The following PCCA variants were observed in gnomAD, a reference collection of about 807,000 sequenced individuals.
PCCA encodes propionyl-CoA carboxylase subunit alpha, also known as propionyl-CoA carboxylase alpha chain, mitochondrial.
A neutral mutation model predicts 101.3 loss-of-function variants in PCCA; 74 were observed. That is an observed-to-expected ratio of 0.73 (90% CI 0.61 to 0.89). The LOEUF is 0.89. PCCA is among the 40% of genes least tolerant of loss of function. PCCA has a pLI of 0.00. For synonymous variants in PCCA, 294 were observed against 313.6 expected, an observed-to-expected ratio of 0.94 and a Z score of 0.66; for missense variants, 891 against 907.0, an observed-to-expected ratio of 0.98 and a Z score of 0.23.
chr13:100,482,342 A>C (rs895651540), intron 21 of PCCA, among the ~76,000 whole-genome samples: 2 of 152,210 alleles, frequency 1.3e-5, no homozygotes, highest in Non-Finnish European at 2.9e-5. Flanking sequence ...GACTTTCAGG[A>C]TGAAGAGAAG....
intron 6 of PCCA, among the ~76,000 whole-genome samples, chr13:100,162,386 G>C (rs2054576485): frequency 6.8e-6 from 1 of 148,144 alleles, no homozygotes; most frequent in African/African-American, 2.5e-5. Flanking sequence ...TAAATGCCTT[G>C]TCCAGTGTCA....
chr13:100,468,640 C>T (rs4772290), intron 21 of PCCA, among the ~76,000 whole-genome samples: 33,299 of 152,108 alleles, frequency 0.22, 4,709 homozygotes, highest in East Asian at 0.53. Context: ...CCTCTCTCAT[C>T]CTGTGTAGAA....
At position 100,480,669 on chromosome 13, in the gene PCCA, C is replaced by T. The variant is rs191719377; in HGVS notation, c.1899+31364C>T. On this transcript the variant is annotated intron_variant, in intron 21 of 23. Coordinates refer to ENST00000376285, the MANE Select transcript of PCCA (RefSeq NM_000282.4). ...TTAAACCAAAAAACGCCCTCAGCTC[C>T]AGCAGATCCTGAGCTACAAAGCACC... 1.4e-3 allele frequency among the ~76,000 whole-genome samples: 214 copies of T among 152,304 alleles called. 1 individual carries two copies. The highest frequency in any genetic ancestry group is 5.0e-3 in the African/African-American group (209 of 41,576).
intron 12 of PCCA, among the ~76,000 whole-genome samples, chr13:100,283,179 C>T (rs886337988): frequency 7.9e-5 from 12 of 152,164 alleles, no homozygotes; most frequent in Admixed American, 7.2e-4. Flanking sequence ...CAAACCTTGG[C>T]CTTTAATGTA....
At chr13:100,264,655 G>A (rs1192696661) in intron 10 of PCCA, among the ~76,000 whole-genome samples, 1 of 151,966 alleles carries the variant, frequency 6.6e-6, no homozygotes, top group African/African-American at 2.4e-5. Flanking sequence ...TGGGTTTTTA[G>A]TTTCTTTATA....
intron 1 of PCCA, among the ~76,000 whole-genome samples, chr13:100,091,198 T>C (rs1229887205): frequency 6.6e-6 from 1 of 152,114 alleles, no homozygotes; most frequent in Non-Finnish European, 1.5e-5. Flanking sequence ...TGGGAAGACA[T>C]TGATGTTGGA....
At chr13:100,512,512 G>C (rs757151648) in intron 21 of PCCA, among the ~76,000 whole-genome samples, 10 of 152,180 alleles carry the variant, frequency 6.6e-5, no homozygotes, top group Non-Finnish European at 1.3e-4. Flanking sequence ...GTGGTCTGGA[G>C]AACACCTTCC....
chr13:100,364,988 G>A (rs1045108708), intron 18 of PCCA, among the ~76,000 whole-genome samples: 2 of 152,166 alleles, frequency 1.3e-5, no homozygotes, highest in African/African-American at 4.8e-5. Context: ...GTTCCAGACT[G>A]CAGTGAGCTA....
intron 4 of PCCA, among the ~76,000 whole-genome samples, chr13:100,140,715 G>A (rs1044330922): frequency 2.6e-5 from 4 of 152,128 alleles, no homozygotes; most frequent in Non-Finnish European, 4.4e-5. Flanking sequence ...TTCTTTTGAG[G>A]TTTCATAGTT....
intron 12 of PCCA, among the ~76,000 whole-genome samples, chr13:100,280,328 T>C (rs916630906): frequency 6.6e-6 from 1 of 152,146 alleles, no homozygotes; most frequent in Non-Finnish European, 1.5e-5. Flanking sequence ...GCCCTGATTT[T>C]TCCCCCAGAG....
At chr13:100,497,126 A>G (rs2085332160) in intron 21 of PCCA, among the ~76,000 whole-genome samples, 1 of 152,228 alleles carries the variant, frequency 6.6e-6, no homozygotes, top group Non-Finnish European at 1.5e-5. Flanking sequence ...AGCTAAAAAT[A>G]GCAGAGAAAT....
At chr13:100,341,973 A>ATATATATATATATATATATATGTATG (rs1257478273) in intron 18 of PCCA, among the ~76,000 whole-genome samples, 1 of 121,868 alleles carries the variant, frequency 8.2e-6, no homozygotes, top group Non-Finnish European at 1.7e-5. Context: ...ATATATATAT[A>ATATATATATATATATATATATGTATG]TATATATATG....
Position 100,322,641 on chromosome 13 carries a change from G to A in PCCA, c.1430-7920G>A, listed in dbSNP as rs538207669. Among the ~76,000 whole-genome samples, 5 of 151,610 alleles carry A rather than the reference G, an allele frequency of 3.3e-5. No individual in the cohort carries two copies. In the East Asian group the frequency reaches 9.7e-4, roughly 29 times the overall value. On this transcript the variant is annotated intron_variant, in intron 16 of 23. Transcript: ENST00000376285. ...ATTTGGGTACAGTGATGCAGCCGTA[G>A]CTCACTACAACTTCGAACTCCTGGG...
chr13:100,368,583 T>G lies in PCCA; in HGVS notation c.1746+9T>G. On this transcript the variant is annotated intron_variant, in intron 19 of 23. Transcript: ENST00000376285. The stretch of plus-strand genomic sequence containing the variant: ...ATGGGTCAGTGTTCTCGGTGAGTTT[T>G]CTTTCTTTATTTTCTTGGTAATCTT... The G allele has an allele frequency of 6.6e-7, 1 of 1,512,962 alleles. No individual in the cohort carries two copies. Among genetic ancestry groups the G allele is most frequent in the Non-Finnish European group, 9.2e-7 (1 of 1,088,296 alleles). The allele number at this position is 1,512,962 out of a possible 1,614,324, so 93.7% of individuals were successfully genotyped here. A position where few individuals can be genotyped will look rare whatever the true frequency, so the allele number is the denominator to read the frequency against.
At chr13:100,223,026 A>G (rs2059913744) in intron 7 of PCCA, among the ~76,000 whole-genome samples, 1 of 152,220 alleles carries the variant, frequency 6.6e-6, no homozygotes, top group Admixed American at 6.5e-5. Context: ...TTATCAAGTA[A>G]TCGTTTGGTA....
chr13:100,393,942 A>G (rs149908897), intron 19 of PCCA, among the ~76,000 whole-genome samples: 48 of 152,332 alleles, frequency 3.2e-4, no homozygotes, highest in Middle Eastern at 3.4e-3. Flanking sequence ...AGATAGTGAT[A>G]CATAGAAATG....
At position 100,285,073 on chromosome 13, in the gene PCCA, G is replaced by A. The variant is rs533621243; in HGVS notation, c.1065+11727G>A. On this transcript the variant is annotated intron_variant, in intron 12 of 23. Transcript: ENST00000376285. ...GGTTAAATATCTAGGCCTAATCTTA[G>A]CCAAAGGGACCAGGGCCCTCATCAA... Among the ~76,000 whole-genome samples the A allele has an allele frequency of 2.0e-5, 3 of 152,320 alleles. No individual in the cohort carries two copies. In the South Asian group the frequency reaches 6.2e-4, roughly 32 times the overall value.
chr13:100,339,320 A>C (rs1168434859), intron 17 of PCCA, among the ~76,000 whole-genome samples: 1 of 152,234 alleles, frequency 6.6e-6, no homozygotes, highest in Non-Finnish European at 1.5e-5. Context: ...CGACTGTAAA[A>C]GTAGCACCTT....
At chr13:100,336,118 C>T (rs1269515386) in intron 17 of PCCA, among the ~76,000 whole-genome samples, 5 of 152,056 alleles carry the variant, frequency 3.3e-5, no homozygotes, top group South Asian at 2.1e-4. Context: ...CAAAATTAGC[C>T]GGGCATGGTG....
Sources: gnomAD v4.1 joint callset for allele counts (sites outside exome capture counted in the v4.1 genomes callset) on GRCh38, gnomAD v4.1.1 for gene constraint, MANE v1.5 for transcripts, NCBI Gene and HGNC (gene_info 2026-07-23, HGNC 2026-07-21) for gene names.